SBF2: variants seen among roughly 807,000 people sequenced by gnomAD.
The protein encoded by SBF2 is SET binding factor 2, also known as myotubularin-related protein 13.
SBF2 carries 112 observed loss-of-function variants against 225.2 expected under a neutral mutation model. The observed-to-expected ratio is 0.50, with a 90% confidence interval of 0.43 to 0.58. The LOEUF is 0.58. SBF2 is among the 20% of genes least tolerant of loss of function. The pLI is 0.00. For missense variants in SBF2, 1,996 were observed against 2,206.2 expected, an observed-to-expected ratio of 0.90 and a Z score of 1.91; for synonymous variants, 763 against 773.3, an observed-to-expected ratio of 0.99 and a Z score of 0.22.
chr11:10,060,055 G>C (rs1018009447), intron 2 of SBF2, among the ~76,000 whole-genome samples: 7 of 152,074 alleles, frequency 4.6e-5, no homozygotes, highest in African/African-American at 1.7e-4. Context: ...AGGACACTGA[G>C]ACACAAAAAG....
At chr11:9,866,884 T>A (rs185241038) in intron 17 of SBF2, among the ~76,000 whole-genome samples, 12 of 152,028 alleles carry the variant, frequency 7.9e-5, no homozygotes. Context: ...AGCAACTCAA[T>A]AGCAAACAAA....
At chr11:9,940,247 C>A in intron 16 of SBF2, among the ~76,000 whole-genome samples, 1 of 151,772 alleles carries the variant, frequency 6.6e-6, no homozygotes, top group East Asian at 1.9e-4. Flanking sequence ...ACTAAAAATA[C>A]AAAAAAAATT....
At chr11:9,851,755 A>C (rs1856972276) in intron 21 of SBF2, among the ~76,000 whole-genome samples, 1 of 152,096 alleles carries the variant, frequency 6.6e-6, no homozygotes, top group South Asian at 2.1e-4. Flanking sequence ...CTTTGACTAA[A>C]TGAATGAATT....
intron 17 of SBF2, among the ~76,000 whole-genome samples, chr11:9,871,155 TTAAAC>T (rs1389255530): frequency 6.6e-6 from 1 of 151,934 alleles, no homozygotes; most frequent in Non-Finnish European, 1.5e-5. Context: ...TGGGATCTAA[TTAAAC>T]TAAAGAGCTT....
chr11:10,194,118 T>TA (rs1957280500), intron 1 of SBF2, 131 bp from the exon 2 acceptor site: 2 of 745,172 alleles, frequency 2.7e-6, no homozygotes, highest in African/African-American at 3.5e-5. Flanking sequence ...TTTCAAGTTT[T>TA]AAAAAACATG....
In SBF2 at chr11:9,976,207, G is replaced by A. The variant is rs1181347171; in HGVS notation, c.1396-7662C>T. 2.0e-5 allele frequency among the ~76,000 whole-genome samples: 3 copies of A among 151,554 alleles called. No homozygotes were observed. In the East Asian group the frequency reaches 5.9e-4, roughly 30 times the overall value. ...TCCTGCCTCAGCCTCCCGAGTAGCT[G>A]GGATTACAGGCACATGCCACCACAC... On this transcript the variant is annotated intron_variant, in intron 13 of 39. Transcript: ENST00000256190.
intron 16 of SBF2, among the ~76,000 whole-genome samples, chr11:9,944,755 G>T (rs1267756941): frequency 1.3e-5 from 2 of 152,142 alleles, no homozygotes; most frequent in African/African-American, 4.8e-5. Flanking sequence ...CAGGTTCAAT[G>T]CTATTCCTAT....
chr11:9,845,634 G>A lies in SBF2; in HGVS notation c.3041C>T (p.Ala1014Val), dbSNP rs560152920. The A allele has an allele frequency of 6.2e-7, 1 of 1,613,954 alleles. No individual in the cohort carries two copies. Among genetic ancestry groups the A allele is most frequent in the East Asian group, 2.2e-5 (1 of 44,870 alleles). ...RYPQSIFSTF[A>V]FAAGQTTPQI... ...TGGGGTAGTTTGTCCAGCAGCAAAA[G>A]CAAAGGTACTGAAAATGGACTGAGG... The change falls in exon 24 of 40, where the codon GCT (alanine) becomes GTT (valine). Residue 1014 changes from alanine to valine, a missense_variant. Ala to Val is a moderately conservative substitution (Grantham distance 64). Transcript: ENST00000256190.
chr11:10,052,569 T>C (rs1006691893), intron 2 of SBF2, among the ~76,000 whole-genome samples: 1 of 152,220 alleles, frequency 6.6e-6, no homozygotes, highest in Non-Finnish European at 1.5e-5. Context: ...CTAAACTCTA[T>C]ATGTTAATGC....
chr11:10,001,780 C>A (rs756578595), intron 7 of SBF2, among the ~76,000 whole-genome samples: 2 of 152,078 alleles, frequency 1.3e-5, no homozygotes, highest in Non-Finnish European at 2.9e-5. Flanking sequence ...CCCGCCTCGG[C>A]CTACCAAAGT....
intron 5 of SBF2, among the ~76,000 whole-genome samples, 168 bp from the exon 6 acceptor site, chr11:10,028,725 C>G (rs929137397): frequency 6.6e-6 from 1 of 152,120 alleles, no homozygotes; most frequent in African/African-American, 2.4e-5. Context: ...TCTTTGTATA[C>G]TTAAGTGGCA....
intron 21 of SBF2, among the ~76,000 whole-genome samples, chr11:9,852,219 T>C (rs1186870049): frequency 3.3e-5 from 5 of 152,198 alleles, no homozygotes; most frequent in Non-Finnish European, 7.3e-5. Flanking sequence ...GGTACTCCAA[T>C]TCAGGAGGCT....
intron 8 of SBF2, among the ~76,000 whole-genome samples, chr11:9,999,237 T>C (rs1489297638): frequency 6.6e-6 from 1 of 152,184 alleles, no homozygotes; most frequent in African/African-American, 2.4e-5. Flanking sequence ...AGCGACTGTT[T>C]TTATTTATTT....
chr11:10,055,564 CACACA>C (rs1950227130), intron 2 of SBF2, among the ~76,000 whole-genome samples: 2 of 146,760 alleles, frequency 1.4e-5, no homozygotes, highest in South Asian at 2.3e-4. Context: ...CACACACACA[CACACA>C]CACCATGGAA....
intron 2 of SBF2, among the ~76,000 whole-genome samples, chr11:10,111,454 A>T (rs1244455853): frequency 6.6e-6 from 1 of 152,248 alleles, no homozygotes; most frequent in African/African-American, 2.4e-5. Context: ...AAAGAACCAG[A>T]AGTAGATCAT....
At chr11:10,123,912 T>C (rs915044241) in intron 2 of SBF2, among the ~76,000 whole-genome samples, 1 of 152,178 alleles carries the variant, frequency 6.6e-6, no homozygotes, top group African/African-American at 2.4e-5. Flanking sequence ...CGGTTTTCAG[T>C]ATTTTGCTAT....
chr11:9,848,336 T>C (rs1398290280), intron 22 of SBF2, among the ~76,000 whole-genome samples: 1 of 152,196 alleles, frequency 6.6e-6, no homozygotes, highest in Non-Finnish European at 1.5e-5. Context: ...AATATTTCTA[T>C]GTGTCATCAA....
intron 16 of SBF2, among the ~76,000 whole-genome samples, chr11:9,903,084 G>A (rs985754522): frequency 1.3e-5 from 2 of 152,164 alleles, no homozygotes; most frequent in African/African-American, 2.4e-5. Flanking sequence ...CACTTTGGGA[G>A]GCTGAGGCAG....
chr11:10,266,145 A>G (rs1467201136), intron 1 of SBF2, among the ~76,000 whole-genome samples: 1 of 152,196 alleles, frequency 6.6e-6, no homozygotes, highest in East Asian at 1.9e-4. Flanking sequence ...AGATTTACAG[A>G]GGATAAACTC....
Sources: gnomAD v4.1 joint callset for allele counts (sites outside exome capture counted in the v4.1 genomes callset) on GRCh38, gnomAD v4.1.1 for gene constraint, MANE v1.5 for transcripts, NCBI Gene and HGNC (gene_info 2026-07-23, HGNC 2026-07-21) for gene names.